Variants in PCDH11Y observed in about 807,000 individuals in gnomAD.
PCDH11Y encodes the protein protocadherin-11 Y-linked.
For synonymous variants in PCDH11Y, 9 were observed against 83.6 expected (o/e 0.11, Z 4.87); for missense variants, 12 against 224.8 (o/e 0.05, Z 6.05).
Position 5,460,811 on chromosome Y carries a change from C to A in PCDH11Y, c.3130-40246C>A. Among the ~76,000 whole-genome samples the A allele has an allele frequency of 9.0e-5, 3 of 33,344 alleles. No homozygotes were observed. In the South Asian group the frequency reaches 1.9e-3, roughly 21 times the overall value. 89.5% of individuals were successfully genotyped at this position (33,344 alleles called of 37,273 possible). A position where few individuals can be genotyped will look rare whatever the true frequency, so the allele number is the denominator to read the frequency against. On this transcript the variant is annotated intron_variant, in intron 2 of 4. Coordinates refer to the PCDH11Y transcript ENST00000400457. ...GTATTGCAAAGAAATTTATTAGATT[C>A]TTTTACTTGACGTTCAATAATTCAT...
intron 3 of PCDH11Y, among the ~76,000 whole-genome samples, chrY:5,044,042 T>C (rs2052624881): frequency 3.2e-5 from 1 of 30,975 alleles, no homozygotes; most frequent in South Asian, 7.6e-4. Flanking sequence ...TCAATTTTGT[T>C]GATCCTTTCA....
chrY:5,661,750 T>C, intron 4 of PCDH11Y, among the ~76,000 whole-genome samples: 1 of 32,214 alleles, frequency 3.1e-5, no homozygotes, highest in African/African-American at 1.2e-4. Flanking sequence ...TTCCCAAGAG[T>C]TTATAATAGA....
chrY:5,307,126 T>C, intron 2 of PCDH11Y, among the ~76,000 whole-genome samples: 1 of 30,857 alleles, frequency 3.2e-5, no homozygotes, highest in Non-Finnish European at 7.8e-5. Flanking sequence ...ATGTGCTTTA[T>C]TAAGAAGCAA....
At chrY:5,655,821 C>T in intron 4 of PCDH11Y, among the ~76,000 whole-genome samples, 1 of 29,828 alleles carries the variant, frequency 3.4e-5, no homozygotes, top group Non-Finnish European at 8.0e-5. Flanking sequence ...ACGAGGTTTC[C>T]CTGTTCTCCA....
At chrY:5,130,944 A>G (rs2052833308) in intron 2 of PCDH11Y, among the ~76,000 whole-genome samples, 1 of 30,456 alleles carries the variant, frequency 3.3e-5, no homozygotes, top group Non-Finnish European at 7.9e-5. Context: ...AGGAATTCTT[A>G]TATACTATTC....
intron 2 of PCDH11Y, among the ~76,000 whole-genome samples, chrY:5,439,725 T>C (rs2124681552): frequency 2.9e-5 from 1 of 33,988 alleles, no homozygotes; most frequent in African/African-American, 1.1e-4. Context: ...CCCTGTGCAG[T>C]ATAGAAGCCA....
At chrY:5,140,190 C>T in intron 2 of PCDH11Y, among the ~76,000 whole-genome samples, 1 of 22,744 alleles carries the variant, frequency 4.4e-5, no homozygotes, top group East Asian at 1.2e-3. Context: ...TTGGAAGTTG[C>T]GTAATAAATT....
intron 2 of PCDH11Y, among the ~76,000 whole-genome samples, chrY:5,186,246 C>T: frequency 6.1e-5 from 2 of 32,574 alleles, no homozygotes; most frequent in Admixed American, 2.8e-4. Context: ...AATGAATAAA[C>T]GAATTCAGTA....
chrY:5,384,867 C>T, intron 2 of PCDH11Y, among the ~76,000 whole-genome samples: 5 of 25,638 alleles, frequency 2.0e-4, no homozygotes, highest in Non-Finnish European at 4.5e-4. Flanking sequence ...ACTGGGCCCT[C>T]TTCAATTGTT....
chrY:5,603,857 AAGAAAG>A (rs2053475614), intron 4 of PCDH11Y, among the ~76,000 whole-genome samples: 1 of 7,391 alleles, frequency 1.4e-4, no homozygotes, highest in African/African-American at 6.2e-4. Context: ...AAGAAAGAAA[AAGAAAG>A]AAAGAAAGAA....
chrY:5,492,481 G>A, intron 2 of PCDH11Y, among the ~76,000 whole-genome samples: 1 of 26,137 alleles, frequency 3.8e-5, no homozygotes, highest in Non-Finnish European at 8.8e-5. Flanking sequence ...TTTTAATACC[G>A]TGTGTGTGTA....
intron 2 of PCDH11Y, among the ~76,000 whole-genome samples, chrY:5,274,559 G>A (rs2124659957): frequency 3.0e-5 from 1 of 33,818 alleles, no homozygotes; most frequent in South Asian, 6.6e-4. Flanking sequence ...TGGGCAGGCT[G>A]GTCTCGAACT....
intron 4 of PCDH11Y, among the ~76,000 whole-genome samples, chrY:5,702,249 C>T (rs1602962150): frequency 6.6e-5 from 2 of 30,108 alleles, no homozygotes. Flanking sequence ...CTGCAACCTC[C>T]GCCTCCCAGG....
At chrY:5,216,081 A>G (rs2052945776) in intron 2 of PCDH11Y, among the ~76,000 whole-genome samples, 1 of 29,163 alleles carries the variant, frequency 3.4e-5, no homozygotes, top group African/African-American at 1.3e-4. Context: ...CTGTGTTTGC[A>G]GAAATCACTT....
chrY:5,488,314 A>C, intron 2 of PCDH11Y, among the ~76,000 whole-genome samples: 1 of 33,162 alleles, frequency 3.0e-5, no homozygotes, highest in Admixed American at 2.8e-4. Context: ...ACTTTTTGCA[A>C]AAATAAATAA....
At chrY:5,010,040 T>TA (rs2052545983) in intron 1 of PCDH11Y, among the ~76,000 whole-genome samples, 1 of 30,402 alleles carries the variant, frequency 3.3e-5, no homozygotes, top group African/African-American at 1.3e-4. Context: ...CCGTCTCTAC[T>TA]AAAAAAAATT....
intron 2 of PCDH11Y, among the ~76,000 whole-genome samples, chrY:5,380,854 C>G (rs2124674375): frequency 6.5e-5 from 2 of 30,716 alleles, no homozygotes; most frequent in South Asian, 1.6e-3. Flanking sequence ...TTCCCAAAGC[C>G]CTGGGATTAC....
intron 2 of PCDH11Y, among the ~76,000 whole-genome samples, chrY:5,466,906 G>T: frequency 3.0e-5 from 1 of 33,027 alleles, no homozygotes; most frequent in Admixed American, 2.8e-4. Flanking sequence ...GTTTCTAAAA[G>T]AAATTTCTAT....
chrY:5,344,832 T>G, intron 2 of PCDH11Y, among the ~76,000 whole-genome samples: 1 of 33,575 alleles, frequency 3.0e-5, no homozygotes, highest in Non-Finnish European at 7.4e-5. Context: ...CACGCCTGGC[T>G]AATTTTTGTA....
Sources: allele counts gnomAD v4.1 joint callset (sites outside exome capture counted in the v4.1 genomes callset), GRCh38; gene constraint gnomAD v4.1.1; transcripts MANE v1.5; gene names NCBI Gene and HGNC (gene_info 2026-07-23, HGNC 2026-07-21).